The following BACH2 variants were observed in gnomAD, a reference collection of about 807,000 sequenced individuals.
BACH2 encodes the protein transcription regulator protein BACH2.
In BACH2, 5 loss-of-function variants were observed where a neutral mutation model predicts 61.8. The ratio of observed to expected loss-of-function variants is 0.08; its 90% CI spans 0.04 to 0.17. The LOEUF (loss-of-function observed/expected upper bound fraction) is 0.17, where lower values mean the gene tolerates loss of function less well. Among genes scored for constraint, BACH2 ranks in the 10% least tolerant of loss-of-function variants. The probability of loss-of-function intolerance (pLI) is 1.00; values close to 1 mark genes in which losing one functional copy is unlikely to be tolerated. For synonymous variants in BACH2, 446 were observed against 440.1 expected (o/e 1.01, Z -0.17); for missense variants, 824 against 1,091.1 (o/e 0.76, Z 3.45).
At chr6:90,270,866 T>C (rs1366401791) in intron 2 of BACH2, among the ~76,000 whole-genome samples, 1 of 152,150 alleles carries the variant, frequency 6.6e-6, no homozygotes, top group Admixed American at 6.5e-5. Context: ...ATGGTGCTGG[T>C]ATAAAAACAG....
chr6:90,257,930 C>T (rs1562529601), intron 2 of BACH2, among the ~76,000 whole-genome samples: 2 of 152,140 alleles, frequency 1.3e-5, no homozygotes, highest in Non-Finnish European at 2.9e-5. Flanking sequence ...TGTGCGCCAC[C>T]ACACCCAGCT....
chr6:90,031,068 A>T (rs1489761703), intron 5 of BACH2, among the ~76,000 whole-genome samples: 38 of 150,286 alleles, frequency 2.5e-4, no homozygotes, highest in Admixed American at 4.0e-4. Context: ...ATCAATAAAC[A>T]TAATCCAACA....
At chr6:90,178,909 G>A (rs1442091078) in intron 4 of BACH2, among the ~76,000 whole-genome samples, 3 of 152,118 alleles carry the variant, frequency 2.0e-5, no homozygotes, top group Admixed American at 6.5e-5. Flanking sequence ...GCCTGGTTCC[G>A]CAGGGGACCA....
At chr6:89,974,510 C>T (rs1330997326) in intron 6 of BACH2, among the ~76,000 whole-genome samples, 3 of 152,152 alleles carry the variant, frequency 2.0e-5, no homozygotes, top group Non-Finnish European at 4.4e-5. Flanking sequence ...TTTTACGATT[C>T]CCCATATATC....
At chr6:90,019,662 T>C (rs1778273135) in intron 5 of BACH2, among the ~76,000 whole-genome samples, 1 of 152,236 alleles carries the variant, frequency 6.6e-6, no homozygotes, top group South Asian at 2.1e-4. Context: ...TGTGCCGTTA[T>C]ATTGTTGTTG....
In BACH2 at chr6:90,058,528, T is replaced by C. The variant is rs1314912874; in HGVS notation, c.-13+30433A>G. ...GCTCATGGGTAGGAAGAATCAATAT[T>C]GTGAAAATGGCCATACTGCCCAAGG... On this transcript the variant is annotated intron_variant, in intron 5 of 8. Coordinates refer to ENST00000257749, the MANE Select transcript of BACH2 (RefSeq NM_021813.4). 1.9e-4 allele frequency among the ~76,000 whole-genome samples: 29 copies of C among 152,098 alleles called. No individual in the cohort carries two copies. In the South Asian group the frequency reaches 3.1e-3, roughly 16 times the overall value.
At chr6:89,954,530 T>TC (rs1774319573) in intron 6 of BACH2, among the ~76,000 whole-genome samples, 1 of 139,464 alleles carries the variant, frequency 7.2e-6, no homozygotes. Flanking sequence ...TTTTTTTTTT[T>TC]TGATGCTGTA....
intron 3 of BACH2, among the ~76,000 whole-genome samples, chr6:90,238,330 G>A (rs954298471): frequency 6.6e-6 from 1 of 152,144 alleles, no homozygotes; most frequent in East Asian, 1.9e-4. Context: ...TTCGATAGTG[G>A]TTACCATAGA....
intron 6 of BACH2, among the ~76,000 whole-genome samples, chr6:90,000,352 T>A (rs1048012305): frequency 6.6e-6 from 1 of 152,236 alleles, no homozygotes; most frequent in Non-Finnish European, 1.5e-5. Flanking sequence ...ACTTCTCATT[T>A]GCCAGCAAGT....
intron 2 of BACH2, among the ~76,000 whole-genome samples, chr6:90,269,805 C>T (rs149476117): frequency 1.1e-3 from 169 of 152,214 alleles, no homozygotes; most frequent in African/African-American, 3.8e-3. Context: ...CTGATGGCCC[C>T]GGTGAGTGGG....
rs549700962 is a variant in BACH2, at chr6:89,931,340, A to C, written c.*1068T>G. The stretch of plus-strand genomic sequence containing the variant: ...AAAGGTGGGGAGGAGGTGAAATATA[A>C]AAATATTCAAGCAGATTATTGTCTA... On this transcript the variant is annotated 3_prime_UTR_variant, in exon 9 of 9. Coordinates refer to ENST00000257749, the MANE Select transcript of BACH2 (RefSeq NM_021813.4). The C allele has an allele frequency of 6.5e-5, 10 of 152,794 alleles. No homozygotes were observed. Among genetic ancestry groups the C allele is most frequent in the Admixed American group, 5.9e-4 (9 of 15,294 alleles). 9.5% of individuals were successfully genotyped at this position (152,794 alleles called of 1,614,324 possible).
At chr6:90,000,988 T>C (rs994860726) in intron 6 of BACH2, among the ~76,000 whole-genome samples, 1 of 152,200 alleles carries the variant, frequency 6.6e-6, no homozygotes, top group African/African-American at 2.4e-5. Flanking sequence ...TTTTTCTCTC[T>C]TCCTCCAACA....
chr6:89,989,197 C>T (rs1041300068), intron 6 of BACH2, among the ~76,000 whole-genome samples: 1 of 152,140 alleles, frequency 6.6e-6, no homozygotes, highest in African/African-American at 2.4e-5. Flanking sequence ...TAGAAATGTA[C>T]ACAGTTTGGT....
intron 4 of BACH2, among the ~76,000 whole-genome samples, chr6:90,098,646 T>C (rs1361079287): frequency 2.0e-5 from 3 of 152,210 alleles, no homozygotes; most frequent in Admixed American, 6.5e-5. Flanking sequence ...TTGAAGACGA[T>C]GTAGGCCCCC....
At chr6:90,015,818 C>A (rs998094950) in intron 5 of BACH2, among the ~76,000 whole-genome samples, 1 of 152,126 alleles carries the variant, frequency 6.6e-6, no homozygotes, top group Non-Finnish European at 1.5e-5. Flanking sequence ...AATATCTTTT[C>A]TGATCTTTTG....
intron 4 of BACH2, among the ~76,000 whole-genome samples, chr6:90,192,539 T>C (rs949332122): frequency 6.6e-6 from 1 of 152,176 alleles, no homozygotes; most frequent in Non-Finnish European, 1.5e-5. Flanking sequence ...GCAAAGCAGG[T>C]TATACAACCG....
At chr6:90,295,615 C>G (rs1174657851) in intron 1 of BACH2, among the ~76,000 whole-genome samples, 1 of 151,830 alleles carries the variant, frequency 6.6e-6, no homozygotes, top group Non-Finnish European at 1.5e-5. Flanking sequence ...AAACCAGTCT[C>G]CTGGGTGAAG....
intron 2 of BACH2, among the ~76,000 whole-genome samples, chr6:90,256,645 G>A (rs11967697): frequency 0.086 from 13,094 of 152,160 alleles, 658 homozygotes; most frequent in East Asian, 0.13. Context: ...TTTTTATTAC[G>A]TATATTTATG....
chr6:90,044,904 T>C (rs1779709250), intron 5 of BACH2, among the ~76,000 whole-genome samples: 1 of 151,890 alleles, frequency 6.6e-6, no homozygotes, highest in South Asian at 2.1e-4. Flanking sequence ...CTTTGAGGAG[T>C]TGATTAGACA....
Sources: gnomAD v4.1 joint callset for allele counts (sites outside exome capture counted in the v4.1 genomes callset) on GRCh38, gnomAD v4.1.1 for gene constraint, MANE v1.5 for transcripts, NCBI Gene and HGNC (gene_info 2026-07-23, HGNC 2026-07-21) for gene names.